The following DNAH11 variants were observed in gnomAD, a reference collection of about 807,000 sequenced individuals.
The protein encoded by DNAH11 is dynein axonemal heavy chain 11, also known as axonemal beta dynein heavy chain 11.
DNAH11 carries 442 observed loss-of-function variants against 526.0 expected under a neutral mutation model. The observed-to-expected ratio is 0.84, with a 90% CI of 0.78 to 0.91. The LOEUF is 0.91. Among genes scored for constraint, DNAH11 ranks in the 40% least tolerant of loss-of-function variants. DNAH11 has a pLI of 0.00. For synonymous variants in DNAH11, 2,461 were observed against 1,935.9 expected (o/e 1.27, Z -7.12); for missense variants, 6,989 against 5,448.7 (o/e 1.28, Z -8.90).
intron 66 of DNAH11, among the ~76,000 whole-genome samples, chr7:21,844,895 C>A (rs1023309023): frequency 7.9e-5 from 12 of 152,126 alleles, no homozygotes; most frequent in South Asian, 6.2e-4. Flanking sequence ...TCCCTGAGGC[C>A]TCCTTACAAA....
chr7:21,577,667 A>G (rs1177437780), intron 8 of DNAH11, among the ~76,000 whole-genome samples: 2 of 152,210 alleles, frequency 1.3e-5, no homozygotes, highest in African/African-American at 2.4e-5. Flanking sequence ...GTAAATGCCG[A>G]GTGGAGAACC....
intron 57 of DNAH11, among the ~76,000 whole-genome samples, chr7:21,782,424 A>G (rs1419712205): frequency 6.6e-6 from 1 of 152,248 alleles, no homozygotes; most frequent in Non-Finnish European, 1.5e-5. Flanking sequence ...TCACTCTTCT[A>G]GTATTGTCGC....
intron 34 of DNAH11, among the ~76,000 whole-genome samples, chr7:21,689,734 C>G (rs1418544337): frequency 2.0e-5 from 3 of 152,172 alleles, no homozygotes; most frequent in Non-Finnish European, 2.9e-5. Context: ...TCTAAAGCAC[C>G]CTTAGTCCTA....
chr7:21,808,533 C>A (rs1455921136), intron 63 of DNAH11, among the ~76,000 whole-genome samples: 1 of 152,110 alleles, frequency 6.6e-6, no homozygotes, highest in Non-Finnish European at 1.5e-5. Context: ...TCTGCATCCC[C>A]TCTCCTCCAC....
chr7:21,713,218 C>A (rs1428879176), intron 42 of DNAH11, among the ~76,000 whole-genome samples: 1 of 152,192 alleles, frequency 6.6e-6, no homozygotes, highest in African/African-American at 2.4e-5. Context: ...TGGCATGCTT[C>A]TTACATCAGA....
At chr7:21,824,398 C>T (rs564154543) in intron 65 of DNAH11, among the ~76,000 whole-genome samples, 1 of 151,950 alleles carries the variant, frequency 6.6e-6, no homozygotes, top group Non-Finnish European at 1.5e-5. Context: ...GTCTAACAGA[C>T]AGGACATAGT....
intron 32 of DNAH11, among the ~76,000 whole-genome samples, chr7:21,684,630 G>A (rs1242206499): frequency 1.3e-5 from 2 of 152,184 alleles, no homozygotes; most frequent in Admixed American, 1.3e-4. Flanking sequence ...AAAGTTACAG[G>A]CAAGAGCAAG....
At position 21,687,421 on chromosome 7, in the gene DNAH11, G is replaced by C. The variant is rs1457113745; in HGVS notation, c.5818G>C (p.Ala1940Pro). ...CTATAAGGGATTGGTGCAGACAGGAGCTTGGGGCTGCTTTGATGAGTTCAA... is the reference window on the plus strand; with the variant it reads ...CTATAAGGGATTGGTGCAGACAGGACCTTGGGGCTGCTTTGATGAGTTCAA... ...NIYKGLVQTGAWGCFDEFNRI... is the reference protein window; with the variant it reads ...NIYKGLVQTGPWGCFDEFNRI... The change falls in exon 34 of 82, where the codon GCT becomes CCT. Residue 1940 changes from alanine (A) to proline (P), a missense_variant. Coordinates refer to ENST00000409508, the MANE Select transcript of DNAH11 (RefSeq NM_001277115.2). 1.2e-6 allele frequency: 2 copies of C among 1,613,994 alleles called. No homozygotes were observed. The highest frequency in any genetic ancestry group is 2.2e-5 in the South Asian group (2 of 91,038).
chr7:21,555,022 T>C (rs6955340), intron 2 of DNAH11, among the ~76,000 whole-genome samples: 36,815 of 152,092 alleles, frequency 0.24, 4,904 homozygotes, highest in African/African-American at 0.37. Context: ...GGAGGGGGTA[T>C]GGATGATAGG....
At chr7:21,829,313 C>T (rs1790447395) in intron 65 of DNAH11, among the ~76,000 whole-genome samples, 1 of 151,554 alleles carries the variant, frequency 6.6e-6, no homozygotes. Context: ...CAAAATGCCT[C>T]TGATGAAGCC....
chr7:21,779,317 T>C lies in DNAH11; in HGVS notation c.9483+213T>C, dbSNP rs2074331. Among the ~76,000 whole-genome samples, 6,246 of 152,264 alleles carry C rather than the reference T, an allele frequency of 0.041. 268 individuals carry two copies. The highest frequency in any genetic ancestry group is 0.26 in the East Asian group (1,324 of 5,170). On this transcript the variant is annotated intron_variant, in intron 57 of 81. Coordinates refer to ENST00000409508, the MANE Select transcript of DNAH11 (RefSeq NM_001277115.2). ...CAACCTTTTAGCTCTTTTAATGATA[T>C]GAAAGAACAATAAATACTGAGCTCA...
At chr7:21,831,676 T>C (rs985188747) in intron 65 of DNAH11, among the ~76,000 whole-genome samples, 12 of 152,144 alleles carry the variant, frequency 7.9e-5, no homozygotes, top group African/African-American at 2.9e-4. Context: ...CTTTTCAAAC[T>C]GGAATCCTGT....
At position 21,819,326 on chromosome 7, in the gene DNAH11, G is replaced by A. The variant is rs146232053; in HGVS notation, c.10691+987G>A. 1.8e-3 allele frequency among the ~76,000 whole-genome samples: 268 copies of A among 152,056 alleles called. 1 individual carries two copies. The highest frequency in any genetic ancestry group is 3.4e-3 in the Middle Eastern group (1 of 294). ...CCTACATCAGGGTGACTAACTTCTT[G>A]GTCTCTAACTGATTAGTATGGTATT... On this transcript the variant is annotated intron_variant, in intron 65 of 81. Coordinates refer to ENST00000409508, the MANE Select transcript of DNAH11 (RefSeq NM_001277115.2).
In DNAH11 at chr7:21,707,088, C is replaced by T. The variant is rs537440948; in HGVS notation, c.6547-611C>T. 3.3e-5 allele frequency among the ~76,000 whole-genome samples: 5 copies of T among 152,310 alleles called. No homozygotes were observed. The South Asian group carries it at 1.0e-3, about 32-fold the overall frequency. The stretch of plus-strand genomic sequence containing the variant: ...TAGCAACCTCCCTGGTCTCTATCCA[C>T]TGGATGTCCAGAAGCTCCTTCCCCC... On this transcript the variant is annotated intron_variant, in intron 39 of 81. Transcript: ENST00000409508.
At chr7:21,758,720 T>A (rs562347282) in intron 54 of DNAH11, among the ~76,000 whole-genome samples, 29 of 152,240 alleles carry the variant, frequency 1.9e-4, no homozygotes, top group African/African-American at 6.7e-4. Context: ...AAAAGAAAAT[T>A]TTTGCAGCAG....
In DNAH11 at chr7:21,601,458, A is replaced by G. The variant is rs771330545; in HGVS notation, c.3488A>G (p.Glu1163Gly). ...TCCGGACTTCAGAGAGAATTAAATGAAGGTGATCATGATGGTTTAGTTGAC... is the reference window on the plus strand; with the variant it reads ...TCCGGACTTCAGAGAGAATTAAATGGAGGTGATCATGATGGTTTAGTTGAC... The part of the protein sequence containing the change: ...TDSGLQRELN[E>G]GDHDGLVDIM... The change falls in exon 18 of 82, where the codon GAA (glutamate) becomes GGA (glycine). Residue 1163 changes from glutamate to glycine, a missense_variant. Transcript: ENST00000409508. The G allele has an allele frequency of 6.2e-7, 1 of 1,613,826 alleles. No homozygotes were observed. The highest frequency in any genetic ancestry group is 1.7e-5 in the Admixed American group (1 of 59,992).
At chr7:21,665,232 C>G (rs1782380069) in intron 30 of DNAH11, among the ~76,000 whole-genome samples, 1 of 151,930 alleles carries the variant, frequency 6.6e-6, no homozygotes, top group African/African-American at 2.4e-5. Flanking sequence ...TGTTTTATTT[C>G]ATATTTCTGT....
intron 35 of DNAH11, among the ~76,000 whole-genome samples, chr7:21,697,673 T>C (rs890794264): frequency 1.3e-5 from 2 of 152,202 alleles, no homozygotes; most frequent in African/African-American, 4.8e-5. Flanking sequence ...ATTTATTCCA[T>C]GGAAATAAGC....
chr7:21,868,788 T>C, intron 72 of DNAH11, 76 bp from the exon 73 acceptor site: 1 of 1,582,866 alleles, frequency 6.3e-7, no homozygotes, highest in South Asian at 1.1e-5. Flanking sequence ...CAGATGTGCA[T>C]TAGACCACAG....
Sources: allele counts gnomAD v4.1 joint callset (sites outside exome capture counted in the v4.1 genomes callset), GRCh38; gene constraint gnomAD v4.1.1; transcripts MANE v1.5; gene names NCBI Gene and HGNC (gene_info 2026-07-23, HGNC 2026-07-21).